The following SEMA6D variants were observed in gnomAD, a reference collection of about 807,000 sequenced individuals.
SEMA6D encodes semaphorin-6D.
In SEMA6D, 35 loss-of-function variants were observed where a neutral mutation model predicts 106.6. The observed-to-expected ratio is 0.33, with a 90% CI of 0.25 to 0.44. SEMA6D has a LOEUF of 0.44. SEMA6D is among the 20% of genes least tolerant of loss of function. SEMA6D has a pLI of 1.00. For synonymous variants in SEMA6D, 499 were observed against 487.7 expected (o/e 1.02, Z -0.31); for missense variants, 1,185 against 1,345.9 (o/e 0.88, Z 1.87).
chr15:47,728,006 G>A (rs1053390764), intron 1 of SEMA6D, among the ~76,000 whole-genome samples: 1 of 152,224 alleles, frequency 6.6e-6, no homozygotes, highest in African/African-American at 2.4e-5. Flanking sequence ...AATGGTTTGG[G>A]TTGCAGTGAA....
chr15:47,274,063 C>G lies in SEMA6D; in HGVS notation c.-239+89645C>G, dbSNP rs556911317. 3 of 152,208 alleles carry G rather than the reference C, an allele frequency of 2.0e-5. No individual in the cohort carries two copies. In the South Asian group the frequency reaches 6.2e-4, roughly 32 times the overall value. 9.4% of individuals were successfully genotyped at this position (152,208 alleles called of 1,614,324 possible). A position where few individuals can be genotyped will look rare whatever the true frequency, so the allele number is the denominator to read the frequency against. On this transcript the variant is annotated intron_variant, in intron 1 of 19. Transcript: ENST00000558014. ...GAAACACAGCACATGCTGAGCAGCC[C>G]ACAAAGCCCCCATTATTGCTGTGTG... is the stretch of plus-strand genomic sequence containing the variant.
At chr15:47,200,344 AC>A (rs1294054330) in intron 1 of SEMA6D, among the ~76,000 whole-genome samples, 1 of 152,190 alleles carries the variant, frequency 6.6e-6, no homozygotes, top group Admixed American at 6.6e-5. Flanking sequence ...GAAACAAGGT[AC>A]AACTAATCAG....
intron 1 of SEMA6D, among the ~76,000 whole-genome samples, chr15:47,412,024 C>A (rs375526899): frequency 6.6e-6 from 1 of 152,108 alleles, no homozygotes; most frequent in Non-Finnish European, 1.5e-5. Flanking sequence ...TTTGCAGTCA[C>A]GTAAGCACAT....
intron 3 of SEMA6D, among the ~76,000 whole-genome samples, chr15:47,554,520 A>T (rs1269575698): frequency 6.6e-6 from 1 of 152,364 alleles, no homozygotes; most frequent in Middle Eastern, 3.4e-3. Context: ...GGCCTTCCAT[A>T]GATGGGAAAA....
Position 47,764,008 on chromosome 15 carries a change from C to T in SEMA6D, c.906C>T (p.Asp302=), listed in dbSNP as rs763369454. The change falls in exon 10 of 19, where the codon GAC becomes GAT. Residue 302 remains aspartate (D), a synonymous_variant. Coordinates refer to ENST00000536845, the MANE Select transcript of SEMA6D (RefSeq NM_001358351.3). The part of the protein sequence containing the change: ...FYFDVLQSIT[D]IIQINGIPTV... ...TTGATGTTCTGCAGTCTATTACAGA[C>T]ATAATACAAATCAATGGCATCCCCA... 1.1e-5 allele frequency: 17 copies of T among 1,613,812 alleles called. No homozygotes were observed. In the South Asian group the frequency reaches 1.9e-4, roughly 18 times the overall value.
chr15:47,744,508 G>A (rs1243361712), intron 1 of SEMA6D, among the ~76,000 whole-genome samples: 1 of 152,142 alleles, frequency 6.6e-6, no homozygotes, highest in East Asian at 1.9e-4. Context: ...ACCCCTGGGT[G>A]AGGTGAGAAA....
At chr15:47,574,285 G>A (rs568029046) in intron 3 of SEMA6D, among the ~76,000 whole-genome samples, 1 of 152,296 alleles carries the variant, frequency 6.6e-6, no homozygotes, top group South Asian at 2.1e-4. Flanking sequence ...GCTGGTCTGA[G>A]ACTTCAGATT....
At chr15:47,249,095 G>A (rs1036148309) in intron 1 of SEMA6D, among the ~76,000 whole-genome samples, 1 of 152,110 alleles carries the variant, frequency 6.6e-6, no homozygotes, top group African/African-American at 2.4e-5. Context: ...GGCCATGATG[G>A]TGCATGCCTG....
At chr15:47,573,288 G>A (rs1196271004) in intron 3 of SEMA6D, among the ~76,000 whole-genome samples, 2 of 150,298 alleles carry the variant, frequency 1.3e-5, no homozygotes, top group Admixed American at 6.7e-5. Context: ...AACTCACAAA[G>A]TGTTTATTCT....
intron 1 of SEMA6D, among the ~76,000 whole-genome samples, chr15:47,317,140 T>G (rs980991167): frequency 6.6e-6 from 1 of 152,182 alleles, no homozygotes; most frequent in African/African-American, 2.4e-5. Flanking sequence ...TTTGGCGAAT[T>G]GTGTCTTTCA....
intron 1 of SEMA6D, among the ~76,000 whole-genome samples, chr15:47,294,161 A>G (rs1211146498): frequency 6.6e-6 from 1 of 151,544 alleles, no homozygotes; most frequent in East Asian, 2.0e-4. Flanking sequence ...GTTCCGAAGG[A>G]AAAACAAAAA....
At chr15:47,466,584 A>G (rs1031280119) in intron 2 of SEMA6D, among the ~76,000 whole-genome samples, 1 of 152,102 alleles carries the variant, frequency 6.6e-6, no homozygotes, top group African/African-American at 2.4e-5. Context: ...TTGTTTTCAT[A>G]TCTTGGCTAT....
intron 4 of SEMA6D, among the ~76,000 whole-genome samples, chr15:47,695,146 A>T (rs1033285071): frequency 2.0e-5 from 3 of 152,212 alleles, no homozygotes; most frequent in Non-Finnish European, 2.9e-5. Flanking sequence ...GAAGTTCCTC[A>T]TCTGTGCCCA....
intron 1 of SEMA6D, among the ~76,000 whole-genome samples, chr15:47,297,073 G>A (rs1218387953): frequency 6.6e-6 from 1 of 152,202 alleles, no homozygotes; most frequent in East Asian, 1.9e-4. Context: ...TCTTATTCAA[G>A]GGCACACAAA....
At chr15:47,697,019 G>A (rs577151790) in intron 4 of SEMA6D, among the ~76,000 whole-genome samples, 1 of 152,238 alleles carries the variant, frequency 6.6e-6, no homozygotes, top group African/African-American at 2.4e-5. Flanking sequence ...ACTGCAATGG[G>A]ATCAGATGGT....
At chr15:47,522,890 G>A (rs2044635084) in intron 3 of SEMA6D, among the ~76,000 whole-genome samples, 1 of 152,208 alleles carries the variant, frequency 6.6e-6, no homozygotes, top group South Asian at 2.1e-4. Context: ...TATAAGGGAT[G>A]ATGAAGCTGC....
intron 1 of SEMA6D, among the ~76,000 whole-genome samples, chr15:47,373,757 C>T (rs1203594531): frequency 6.6e-6 from 1 of 152,192 alleles, no homozygotes; most frequent in Non-Finnish European, 1.5e-5. Flanking sequence ...ATTCCAGGCT[C>T]TGTTTCATAC....
intron 3 of SEMA6D, among the ~76,000 whole-genome samples, chr15:47,575,945 C>T (rs12442729): frequency 0.99 from 150,693 of 152,302 alleles, 74,567 homozygotes; most frequent in Middle Eastern, 1. Flanking sequence ...GCTCCCCAGT[C>T]TTACTGGTTT....
At chr15:47,769,641 C>A (rs2082526733) in intron 18 of SEMA6D, among the ~76,000 whole-genome samples, 1 of 152,156 alleles carries the variant, frequency 6.6e-6, no homozygotes, top group African/African-American at 2.4e-5. Flanking sequence ...ACTTACCTTA[C>A]TCTGGGATAG....
Sources: gnomAD v4.1 joint callset for allele counts (sites outside exome capture counted in the v4.1 genomes callset) on GRCh38, gnomAD v4.1.1 for gene constraint, MANE v1.5 for transcripts, NCBI Gene and HGNC (gene_info 2026-07-23, HGNC 2026-07-21) for gene names.